Variants in TMX1 observed in about 807,000 individuals in gnomAD.
The protein encoded by TMX1 is thioredoxin-related transmembrane protein 1.
In TMX1, 25 loss-of-function variants were observed where a neutral mutation model predicts 36.6. The ratio of observed to expected loss-of-function variants is 0.68; its 90% confidence interval spans 0.50 to 0.95. The LOEUF is 0.95. TMX1 is among the 40% of genes least tolerant of loss of function. The pLI is 0.00. For synonymous variants in TMX1, 133 were observed against 118.0 expected (o/e 1.13, Z -0.82); for missense variants, 347 against 339.6 (o/e 1.02, Z -0.17).
chr14:51,240,266 C>G lies in TMX1; in HGVS notation c.-27C>G. ...GGCGGAAGTGGGAGCTGCGACCGCG[C>G]TCCCTGTGAGGTGGGCAAGCGGCGA... is the stretch of plus-strand genomic sequence containing the variant. On this transcript the variant is annotated 5_prime_UTR_variant, in exon 1 of 8. Transcript: ENST00000457354. 2 of 1,603,768 alleles carry G rather than the reference C, an allele frequency of 1.2e-6. No homozygotes were observed. The highest frequency in any genetic ancestry group is 1.7e-6 in the Non-Finnish European group (2 of 1,178,156).
In TMX1 at chr14:51,240,279, G is replaced by T. The variant is rs764216805; in HGVS notation, c.-14G>T. On this transcript the variant is annotated 5_prime_UTR_variant, in exon 1 of 8. Transcript: ENST00000457354. ...GCTGCGACCGCGCTCCCTGTGAGGT[G>T]GGCAAGCGGCGAAATGGCGCCCTCC... is the stretch of plus-strand genomic sequence containing the variant. 4 of 1,607,616 alleles carry T rather than the reference G, an allele frequency of 2.5e-6. No individual in the cohort carries two copies. The Admixed American group carries it at 6.7e-5, about 27-fold the overall frequency.
At chr14:51,251,044 T>C (rs1336552200) in intron 7 of TMX1, among the ~76,000 whole-genome samples, 2 of 152,200 alleles carry the variant, frequency 1.3e-5, no homozygotes, top group African/African-American at 4.8e-5. Flanking sequence ...TTTAAGGTTT[T>C]TGAAGTGAAA....
At position 51,249,638 on chromosome 14, in the gene TMX1, A is replaced by T. The variant is rs1268189314; in HGVS notation, c.592-55A>T. The T allele has an allele frequency of 3.8e-6, 6 of 1,596,136 alleles. No homozygotes were observed. The East Asian group carries it at 1.1e-4, about 30-fold the overall frequency. ...AAATGTGATTATTTAAAATAGTTAC[A>T]TTAGCTGTGGCATATATTCTACATT... On this transcript the variant is annotated intron_variant, in intron 6 of 7. Coordinates refer to ENST00000457354, the MANE Select transcript of TMX1 (RefSeq NM_030755.5).
chr14:51,254,575 ATT>A lies in TMX1; in HGVS notation c.*59_*60del. Reference sequence around the variant, plus strand: ...TTTTGATAAAAACAGAAGATTGATCATTTTGTTTGGTTTGAAGTGAACTGTGA... The same window carrying A: ...TTTTGATAAAAACAGAAGATTGATCATTGTTTGGTTTGAAGTGAACTGTGA... On this transcript the variant is annotated 3_prime_UTR_variant, in exon 8 of 8. Transcript: ENST00000457354. 1 of 1,499,716 alleles carries A rather than the reference ATT, an allele frequency of 6.7e-7. No homozygotes were observed. The highest frequency in any genetic ancestry group is 9.0e-7 in the Non-Finnish European group (1 of 1,112,910). The allele number at this position is 1,499,716 out of a possible 1,614,324, so 92.9% of individuals were successfully genotyped here.
At chr14:51,250,240 C>T (rs1211010445) in intron 7 of TMX1, among the ~76,000 whole-genome samples, 1 of 152,178 alleles carries the variant, frequency 6.6e-6, no homozygotes, top group Non-Finnish European at 1.5e-5. Context: ...TAAATAATTA[C>T]AAGCATTTAC....
At chr14:51,246,618 C>T (rs1034787399) in intron 3 of TMX1, among the ~76,000 whole-genome samples, 5 of 152,098 alleles carry the variant, frequency 3.3e-5, no homozygotes, top group Non-Finnish European at 4.4e-5. Flanking sequence ...AGGGAAGCAC[C>T]ATACCAGATG....
At chr14:51,243,549 C>G (rs2065771916) in intron 1 of TMX1, among the ~76,000 whole-genome samples, 1 of 152,206 alleles carries the variant, frequency 6.6e-6, no homozygotes, top group Non-Finnish European at 1.5e-5. Context: ...CTTGAGCTTT[C>G]TGGTGGCCAC....
In TMX1 at chr14:51,257,022, T is replaced by A. The variant is rs1386588371; in HGVS notation, c.*2503T>A. 2 of 151,790 alleles carry A rather than the reference T, an allele frequency of 1.3e-5. No individual in the cohort carries two copies. The highest frequency in any genetic ancestry group is 2.9e-5 in the Non-Finnish European group (2 of 67,904). 9.4% of individuals were successfully genotyped at this position (151,790 alleles called of 1,614,324 possible). On this transcript the variant is annotated 3_prime_UTR_variant, in exon 8 of 8. Coordinates refer to ENST00000457354, the MANE Select transcript of TMX1 (RefSeq NM_030755.5). ...AGGCTGGAGTGCAATGGCATGATCTTGGCTCACTGCAACCTCCACCTCCTG... is the reference window on the plus strand; with the variant it reads ...AGGCTGGAGTGCAATGGCATGATCTAGGCTCACTGCAACCTCCACCTCCTG...
chr14:51,250,907 T>C (rs2065809105), intron 7 of TMX1, among the ~76,000 whole-genome samples: 1 of 152,212 alleles, frequency 6.6e-6, no homozygotes, highest in Non-Finnish European at 1.5e-5. Context: ...TTTCATTTCT[T>C]AGATAGTTGC....
At chr14:51,252,673 T>C (rs1395199482) in intron 7 of TMX1, among the ~76,000 whole-genome samples, 1 of 152,240 alleles carries the variant, frequency 6.6e-6, no homozygotes, top group Non-Finnish European at 1.5e-5. Context: ...CCTTCCGTAA[T>C]GGAACACATG....
intron 7 of TMX1, 37 bp from the exon 8 acceptor site, chr14:51,254,304 C>T (rs768942429): frequency 6.5e-6 from 10 of 1,548,716 alleles, no homozygotes; most frequent in African/African-American, 5.6e-5. Flanking sequence ...AAATCTAATA[C>T]ATCAACAAAA....
At chr14:51,248,265 A>G (rs1027379340) in intron 4 of TMX1, among the ~76,000 whole-genome samples, 1 of 152,216 alleles carries the variant, frequency 6.6e-6, no homozygotes, top group Non-Finnish European at 1.5e-5. Flanking sequence ...TGCTGAGGTC[A>G]CCATGGACTG....
intron 1 of TMX1, among the ~76,000 whole-genome samples, chr14:51,242,743 C>T (rs113612692): frequency 6.6e-6 from 1 of 151,886 alleles, no homozygotes; most frequent in African/African-American, 2.4e-5. Context: ...CGCCACTGCC[C>T]TCCAGCCTGG....
rs560514277 is a variant in TMX1, at chr14:51,247,137, G to A, written c.360G>A (p.Lys120=). ...GGCGCTATCAGGGTCCAAGGACTAA[G>A]AAGGACTTCATAAACTTTATAAGTG... The part of the protein sequence containing the change: ...EFRRYQGPRT[K]KDFINFISDK... The change falls in exon 4 of 8, where the codon AAG becomes AAA. Residue 120 remains lysine, a synonymous_variant. Transcript: ENST00000457354. 2.2e-5 allele frequency: 36 copies of A among 1,612,946 alleles called. No individual in the cohort carries two copies. The highest frequency in any genetic ancestry group is 2.0e-4 in the African/African-American group (15 of 74,998).
At chr14:51,248,128 A>G (rs1031234255) in intron 4 of TMX1, among the ~76,000 whole-genome samples, 17 of 152,222 alleles carry the variant, frequency 1.1e-4, no homozygotes, top group African/African-American at 3.4e-4. Flanking sequence ...TAGAGGGTAG[A>G]TGAATTTCCT....
At position 51,240,269 on chromosome 14, in the gene TMX1, C is replaced by G. The variant is rs1445202532; in HGVS notation, c.-24C>G. 6.2e-7 allele frequency: 1 copy of G among 1,605,590 alleles called. No homozygotes were observed. Among genetic ancestry groups the G allele is most frequent in the South Asian group, 1.1e-5 (1 of 90,964 alleles). ...GGAAGTGGGAGCTGCGACCGCGCTC[C>G]CTGTGAGGTGGGCAAGCGGCGAAAT... On this transcript the variant is annotated 5_prime_UTR_variant, in exon 1 of 8. Coordinates refer to ENST00000457354, the MANE Select transcript of TMX1 (RefSeq NM_030755.5).
In TMX1 at chr14:51,249,737, C is replaced by T. The variant is rs756332554; in HGVS notation, c.636C>T (p.Arg212=). The part of the protein sequence containing the change: ...VADCLCPSKR[R]RPQPYPYPSK... The stretch of plus-strand genomic sequence containing the variant: ...ATTGCCTTTGTCCTTCAAAAAGGCG[C>T]AGACCACAGCCGTACCCATACCCTT... The change falls in exon 7 of 8, where the codon CGC becomes CGT. Residue 212 remains arginine (R), a synonymous_variant. Transcript: ENST00000457354. 4 of 1,613,136 alleles carry T rather than the reference C, an allele frequency of 2.5e-6. No homozygotes were observed. Among genetic ancestry groups the T allele is most frequent in the Non-Finnish European group, 3.4e-6 (4 of 1,179,482 alleles).
chr14:51,243,879 G>A lies in TMX1; in HGVS notation c.176G>A (p.Cys59Tyr). ...AGTTATGCCCCGTGGTGCCCTGCTT[G>A]TCAAAATCTTCAACCGGAATGGGAA... ...IEFYAPWCPA[C>Y]QNLQPEWESF... Residue 59 changes from cysteine (C) to tyrosine (Y), a missense_variant, in exon 2 of 8, where the codon TGT (cysteine) becomes TAT (tyrosine). By Grantham distance (194) the Cys-to-Tyr change is radical. Transcript: ENST00000457354. 3 of 1,610,798 alleles carry A rather than the reference G, an allele frequency of 1.9e-6. No homozygotes were observed. Among genetic ancestry groups the A allele is most frequent in the Non-Finnish European group, 8.5e-7 (1 of 1,178,494 alleles).
At chr14:51,244,131 G>T in intron 2 of TMX1, 160 bp downstream of exon 2, 2 of 507,590 alleles carry the variant, frequency 3.9e-6, no homozygotes, top group South Asian at 4.4e-5. Flanking sequence ...CCTGCTGGGG[G>T]CTCAGTGTGC....
Sources: allele counts gnomAD v4.1 joint callset (sites outside exome capture counted in the v4.1 genomes callset), GRCh38; gene constraint gnomAD v4.1.1; transcripts MANE v1.5; gene names NCBI Gene and HGNC (gene_info 2026-07-23, HGNC 2026-07-21).